Variants in DTNB observed in about 807,000 individuals in gnomAD.
DTNB encodes dystrobrevin beta.
Under a neutral mutation model 90.7 loss-of-function variants are expected in DTNB, and 63 were observed. The observed-to-expected ratio is 0.69, with a 90% CI of 0.57 to 0.86. DTNB has a LOEUF of 0.86. DTNB is among the 40% of genes least tolerant of loss of function. The probability of loss-of-function intolerance (pLI) is 0.00; values close to 1 mark genes in which losing one functional copy is unlikely to be tolerated. For missense variants in DTNB, 744 were observed against 807.1 expected (o/e 0.92, Z 0.95); for synonymous variants, 277 against 286.7 (o/e 0.97, Z 0.34).
At chr2:25,467,642 A>G (rs1033105238) in intron 10 of DTNB, among the ~76,000 whole-genome samples, 1 of 152,076 alleles carries the variant, frequency 6.6e-6, no homozygotes, top group African/African-American at 2.4e-5. Context: ...GAGTCCAGTA[A>G]TGGACCACAA....
intron 9 of DTNB, among the ~76,000 whole-genome samples, chr2:25,521,726 G>C (rs2076170186): frequency 1.3e-5 from 2 of 152,178 alleles, no homozygotes; most frequent in South Asian, 4.1e-4. Flanking sequence ...TGATTTTCAT[G>C]TAAGTTTCAC....
chr2:25,519,184 A>G (rs2075693103), intron 9 of DTNB, among the ~76,000 whole-genome samples: 1 of 151,964 alleles, frequency 6.6e-6, no homozygotes, highest in African/African-American at 2.4e-5. Flanking sequence ...GCAACATAGC[A>G]AGACCCCATC....
chr2:25,644,765 A>T (rs2079079147), intron 2 of DTNB, among the ~76,000 whole-genome samples: 1 of 152,168 alleles, frequency 6.6e-6, no homozygotes, highest in African/African-American at 2.4e-5. Context: ...CATCAAAAAT[A>T]AAAAAATGAG....
At chr2:25,619,911 A>T (rs1372627655) in intron 4 of DTNB, among the ~76,000 whole-genome samples, 1 of 152,008 alleles carries the variant, frequency 6.6e-6, no homozygotes, top group Non-Finnish European at 1.5e-5. Flanking sequence ...GTGGTGGTAC[A>T]CACCTGTAAT....
In DTNB at chr2:25,635,536, C is replaced by T. The variant is rs541524861; in HGVS notation, c.148+3478G>A. Among the ~76,000 whole-genome samples the T allele has an allele frequency of 7.9e-5, 12 of 152,300 alleles. No homozygotes were observed. In the South Asian group the frequency reaches 2.1e-3, roughly 26 times the overall value. On this transcript the variant is annotated intron_variant, in intron 3 of 20. Transcript: ENST00000406818. ...TAGTTCTAGGGATGACCATATACCA[C>T]GTTCACAGGAGGAAATCTCAACATT...
chr2:25,425,493 C>T (rs2051240203), intron 15 of DTNB, among the ~76,000 whole-genome samples: 1 of 152,228 alleles, frequency 6.6e-6, no homozygotes, highest in Non-Finnish European at 1.5e-5. Context: ...GCTACCACTC[C>T]TGGGGTTAAG....
chr2:25,568,045 C>G (rs1409927646), intron 8 of DTNB, among the ~76,000 whole-genome samples: 2 of 151,866 alleles, frequency 1.3e-5, no homozygotes, highest in East Asian at 3.9e-4. Context: ...GTAGTCCCAG[C>G]TACTTGGGAG....
intron 4 of DTNB, among the ~76,000 whole-genome samples, chr2:25,611,512 T>C (rs548142745): frequency 3.3e-4 from 50 of 152,284 alleles, no homozygotes; most frequent in African/African-American, 1.2e-3. Flanking sequence ...CCTCTAGAGT[T>C]GGCCCTCCAT....
intron 3 of DTNB, among the ~76,000 whole-genome samples, chr2:25,633,694 G>A (rs532087826): frequency 1.3e-5 from 2 of 151,888 alleles, no homozygotes; most frequent in African/African-American, 4.8e-5. Flanking sequence ...TCTCTGCCCG[G>A]CCGCTATCCC....
At chr2:25,645,930 G>A (rs1193077966) in intron 2 of DTNB, among the ~76,000 whole-genome samples, 6 of 152,154 alleles carry the variant, frequency 3.9e-5, no homozygotes, top group Non-Finnish European at 8.8e-5. Flanking sequence ...CAATGGGATG[G>A]AAGGAAGAAA....
At chr2:25,591,933 C>A (rs909899037) in intron 6 of DTNB, among the ~76,000 whole-genome samples, 13 of 151,680 alleles carry the variant, frequency 8.6e-5, no homozygotes, top group Admixed American at 2.6e-4. Flanking sequence ...TGGTGGCAGG[C>A]ACCTGTAATC....
chr2:25,381,219 G>A (rs933137393), intron 19 of DTNB, among the ~76,000 whole-genome samples: 3 of 152,236 alleles, frequency 2.0e-5, no homozygotes, highest in Non-Finnish European at 2.9e-5. Flanking sequence ...GTGTGTGTGC[G>A]CGTGTTTGCA....
At chr2:25,464,962 G>T (rs2061537255) in intron 10 of DTNB, among the ~76,000 whole-genome samples, 2 of 152,186 alleles carry the variant, frequency 1.3e-5, no homozygotes, top group Non-Finnish European at 2.9e-5. Context: ...AACAGAGAAA[G>T]GGCATGAGTG....
intron 8 of DTNB, among the ~76,000 whole-genome samples, chr2:25,571,522 A>C (rs1277069805): frequency 6.6e-6 from 1 of 152,030 alleles, no homozygotes; most frequent in African/African-American, 2.4e-5. Flanking sequence ...GTATACCCCT[A>C]CCCTGAACAC....
At chr2:25,478,202 A>G (rs932121258) in intron 10 of DTNB, among the ~76,000 whole-genome samples, 1 of 152,066 alleles carries the variant, frequency 6.6e-6, no homozygotes, top group Non-Finnish European at 1.5e-5. Flanking sequence ...TTTAAAATGC[A>G]TCATTTGGTT....
intron 9 of DTNB, among the ~76,000 whole-genome samples, chr2:25,491,984 C>T (rs1259841117): frequency 1.3e-5 from 2 of 151,668 alleles, no homozygotes; most frequent in East Asian, 1.9e-4. Flanking sequence ...GGATTTGAAC[C>T]GAGGCAGTGT....
At chr2:25,478,704 G>T (rs1476921262) in intron 10 of DTNB, among the ~76,000 whole-genome samples, 2 of 152,120 alleles carry the variant, frequency 1.3e-5, no homozygotes, top group Admixed American at 1.3e-4. Flanking sequence ...TGGGGGAAAT[G>T]CTTCTTCCTC....
chr2:25,566,982 G>A (rs901613686), intron 8 of DTNB, among the ~76,000 whole-genome samples: 1 of 152,162 alleles, frequency 6.6e-6, no homozygotes, highest in Admixed American at 6.5e-5. Context: ...GCTTAAACAA[G>A]GACACTGACT....
chr2:25,389,605 G>A (rs1333809145), intron 16 of DTNB, among the ~76,000 whole-genome samples: 1 of 152,222 alleles, frequency 6.6e-6, no homozygotes, highest in Non-Finnish European at 1.5e-5. Context: ...GTGGAAGGTG[G>A]ACTAGGGTTT....
Sources: gnomAD v4.1 joint callset for allele counts (sites outside exome capture counted in the v4.1 genomes callset) on GRCh38, gnomAD v4.1.1 for gene constraint, MANE v1.5 for transcripts, NCBI Gene and HGNC (gene_info 2026-07-23, HGNC 2026-07-21) for gene names.